Variants in MROH9 observed in about 807,000 individuals in gnomAD.
The protein encoded by MROH9 is maestro heat-like repeat-containing protein family member 9.
In MROH9, 92 loss-of-function variants were observed where a neutral mutation model predicts 98.2. The observed-to-expected ratio is 0.94, with a 90% confidence interval of 0.79 to 1.11. The LOEUF (loss-of-function observed/expected upper bound fraction) is 1.11. MROH9 is among the 50% of genes most tolerant of loss of function. The probability of loss-of-function intolerance (pLI) is 0.00; values close to 1 mark genes in which losing one functional copy is unlikely to be tolerated. For synonymous variants in MROH9, 397 were observed against 368.9 expected, an observed-to-expected ratio of 1.08 and a Z score of -0.87; for missense variants, 1,057 against 1,014.8, an observed-to-expected ratio of 1.04 and a Z score of -0.57.
Position 170,983,516 on chromosome 1 carries a change from C to G in MROH9, c.711C>G (p.Asp237Glu), listed in dbSNP as rs377151868. The change falls in exon 9 of 22, where the codon GAC becomes GAG. Residue 237 changes from aspartate to glutamate, a missense_variant. Physicochemically the swap from Asp to Glu is conservative, Grantham distance 45. Coordinates refer to ENST00000367759, the MANE Select transcript of MROH9 (RefSeq NM_001163629.2). ...VEFLPKEFQQ[D>E]ESKIAQRVGQ... ...TTCTACCCAAGGAGTTTCAACAAGACGAAAGTAAAATAGCTCAGGTAACTT... is the reference window on the plus strand; with the variant it reads ...TTCTACCCAAGGAGTTTCAACAAGAGGAAAGTAAAATAGCTCAGGTAACTT... 47 of 1,609,188 alleles carry G rather than the reference C, an allele frequency of 2.9e-5. No homozygotes were observed. Among genetic ancestry groups the G allele is most frequent in the Non-Finnish European group, 3.6e-5 (42 of 1,176,098 alleles).
chr1:170,938,757 CA>C (rs979657390), intron 1 of MROH9, among the ~76,000 whole-genome samples: 1 of 152,216 alleles, frequency 6.6e-6, no homozygotes, highest in African/African-American at 2.4e-5. Context: ...TCAGTAAGGA[CA>C]AAATGCTTCC....
At chr1:171,036,443 G>A (rs1653101370) in intron 20 of MROH9, among the ~76,000 whole-genome samples, 1 of 151,970 alleles carries the variant, frequency 6.6e-6, no homozygotes, top group African/African-American at 2.4e-5. Context: ...TGCTTGTAGT[G>A]GGAACAGAAA....
At chr1:171,026,891 G>C (rs910929102) in intron 20 of MROH9, among the ~76,000 whole-genome samples, 1 of 152,092 alleles carries the variant, frequency 6.6e-6, no homozygotes, top group African/African-American at 2.4e-5. Flanking sequence ...GGGATAATGG[G>C]AGCATATGAA....
intron 20 of MROH9, among the ~76,000 whole-genome samples, chr1:171,053,887 T>C (rs759953514): frequency 1.3e-5 from 2 of 151,952 alleles, no homozygotes; most frequent in Admixed American, 6.6e-5. Context: ...TGGTCTAACA[T>C]ATAGATTTCA....
chr1:170,937,515 A>ATT lies in MROH9; in HGVS notation c.-38+1951_-38+1952dup, dbSNP rs71125282. On this transcript the variant is annotated intron_variant, in intron 1 of 21. Transcript: ENST00000367759. Reference sequence around the variant, plus strand: ...CACTGATCACAGCATCATAATCAGTATTTTTTTTTTTTTTTTTTTTTTTTG... The same window carrying ATT: ...CACTGATCACAGCATCATAATCAGTATTTTTTTTTTTTTTTTTTTTTTTTTTG... 6.7e-3 allele frequency among the ~76,000 whole-genome samples: 762 copies of ATT among 113,508 alleles called. 1 individual carries two copies. The highest frequency in any genetic ancestry group is 7.6e-3 in the Non-Finnish European group (438 of 57,876). 74.5% of individuals were successfully genotyped at this position (113,508 alleles called of 152,430 possible). A position where few individuals can be genotyped will look rare whatever the true frequency, so the allele number is the denominator to read the frequency against.
intron 17 of MROH9, among the ~76,000 whole-genome samples, chr1:171,018,249 T>A (rs561567317): frequency 6.6e-6 from 1 of 151,040 alleles, no homozygotes; most frequent in East Asian, 2.0e-4. Context: ...TGGGAGCAAA[T>A]CAGATGAATA....
intron 20 of MROH9, among the ~76,000 whole-genome samples, chr1:171,044,972 CTTTTTTTTTTTTTTT>C (rs754332732): frequency 6.6e-5 from 3 of 45,712 alleles, no homozygotes; most frequent in Non-Finnish European, 9.0e-5. Context: ...CTGCTCTGAT[CTTTTTTTTTTTTTTT>C]TTTTTTTTTT....
chr1:170,987,191 G>A (rs769779933), intron 10 of MROH9, among the ~76,000 whole-genome samples: 6 of 152,108 alleles, frequency 3.9e-5, no homozygotes, highest in East Asian at 1.9e-4. Flanking sequence ...TCAAGCATAC[G>A]AACAATTTTA....
intron 20 of MROH9, 22 bp downstream of exon 20, chr1:171,025,442 A>C (rs1258852677): frequency 7.1e-7 from 1 of 1,412,828 alleles, no homozygotes; most frequent in African/African-American, 1.4e-5. Flanking sequence ...TCAGTTCTCA[A>C]TTCCTAACTT....
intron 1 of MROH9, among the ~76,000 whole-genome samples, chr1:170,944,765 A>G (rs1649257757): frequency 6.6e-6 from 1 of 152,014 alleles, no homozygotes; most frequent in Non-Finnish European, 1.5e-5. Flanking sequence ...CTATGTGGTA[A>G]GTAGAATTTT....
Position 171,000,501 on chromosome 1 carries a change from T to C in MROH9, c.1596+2227T>C, listed in dbSNP as rs939901830. On this transcript the variant is annotated intron_variant, in intron 15 of 21. Transcript: ENST00000367759. ...TTCTGCATCTATTGAGATGATCATG[T>C]GATTTTTGTTTTTAGCTATGTTTCT... Among the ~76,000 whole-genome samples, 8 of 152,262 alleles carry C rather than the reference T, an allele frequency of 5.3e-5. 1 individual carries two copies. The South Asian group carries it at 1.0e-3, about 20-fold the overall frequency.
chr1:171,025,749 A>G (rs945543535), intron 20 of MROH9, among the ~76,000 whole-genome samples: 2 of 152,206 alleles, frequency 1.3e-5, no homozygotes, highest in African/African-American at 4.8e-5. Context: ...AAAAATATAT[A>G]AAAACATCAT....
intron 10 of MROH9, among the ~76,000 whole-genome samples, chr1:170,987,567 A>C (rs900084421): frequency 2.0e-5 from 3 of 152,184 alleles, no homozygotes; most frequent in African/African-American, 7.2e-5. Context: ...AACAATTAAC[A>C]TTTTTTAGTC....
At chr1:171,049,319 C>A (rs142932589) in intron 20 of MROH9, among the ~76,000 whole-genome samples, 1 of 152,164 alleles carries the variant, frequency 6.6e-6, no homozygotes, top group South Asian at 2.1e-4. Flanking sequence ...ACTACCCCCA[C>A]CCCCAGCCCC....
Position 170,965,256 on chromosome 1 carries a change from G to C in MROH9, c.480+1G>C. The C allele has an allele frequency of 1.3e-6, 2 of 1,582,638 alleles. No individual in the cohort carries two copies. Among genetic ancestry groups the C allele is most frequent in the South Asian group, 1.1e-5 (1 of 90,288 alleles). ...TACAGTCACAAAAGTCAGAAAATAC[G>C]TAAGTCACAGAATATAACAATGCCA... On this transcript the variant is annotated splice_donor_variant, in intron 7 of 21. Coordinates refer to ENST00000367759, the MANE Select transcript of MROH9 (RefSeq NM_001163629.2). LOFTEE classifies it high-confidence loss of function.
intron 8 of MROH9, among the ~76,000 whole-genome samples, chr1:170,980,996 A>G (rs1454621156): frequency 1.3e-5 from 2 of 152,170 alleles, no homozygotes; most frequent in Admixed American, 6.5e-5. Context: ...AGACATTTAC[A>G]TGGCCAACAA....
chr1:170,942,458 T>G (rs1649161340), intron 1 of MROH9, among the ~76,000 whole-genome samples: 1 of 151,998 alleles, frequency 6.6e-6, no homozygotes, highest in Admixed American at 6.6e-5. Flanking sequence ...TTTAGATTTG[T>G]CCTAAAATTT....
At chr1:171,018,645 G>A (rs1571506714) in intron 17 of MROH9, among the ~76,000 whole-genome samples, 1 of 152,192 alleles carries the variant, frequency 6.6e-6, no homozygotes, top group Non-Finnish European at 1.5e-5. Context: ...ATGCAAAGAA[G>A]CTAAGAACCT....
chr1:170,975,842 T>A (rs556710588), intron 8 of MROH9, among the ~76,000 whole-genome samples: 1 of 152,318 alleles, frequency 6.6e-6, no homozygotes, highest in East Asian at 1.9e-4. Context: ...CTGTGTTGGG[T>A]GCATATTTAT....
Sources: gnomAD v4.1 joint callset for allele counts (sites outside exome capture counted in the v4.1 genomes callset) on GRCh38, gnomAD v4.1.1 for gene constraint, MANE v1.5 for transcripts, NCBI Gene and HGNC (gene_info 2026-07-23, HGNC 2026-07-21) for gene names.